The following LPIN2 variants were observed in gnomAD, a reference collection of about 807,000 sequenced individuals.
The protein encoded by LPIN2 is lipin 2.
LPIN2 carries 55 observed loss-of-function variants against 111.4 expected under a neutral mutation model. That is an observed-to-expected ratio of 0.49 (90% CI 0.40 to 0.62). The LOEUF (loss-of-function observed/expected upper bound fraction) is 0.62. Among genes scored for constraint, LPIN2 ranks in the 20% least tolerant of loss-of-function variants. The pLI, the probability that LPIN2 is intolerant of heterozygous loss-of-function variation, is 0.00. For missense variants in LPIN2, 992 were observed against 1,112.1 expected (o/e 0.89, Z 1.54); for synonymous variants, 425 against 414.0 (o/e 1.03, Z -0.32).
intron 1 of LPIN2, among the ~76,000 whole-genome samples, chr18:3,010,606 G>C (rs904138195): frequency 6.6e-6 from 1 of 152,096 alleles, no homozygotes; most frequent in African/African-American, 2.4e-5. Flanking sequence ...ACAGTCACTG[G>C]GGTCGGAGTA....
chr18:2,937,681 C>T lies in LPIN2; in HGVS notation c.1168+11G>A, dbSNP rs79439091. 4 of 1,604,582 alleles carry T rather than the reference C, an allele frequency of 2.5e-6. No homozygotes were observed. Among genetic ancestry groups the T allele is most frequent in the Non-Finnish European group, 3.4e-6 (4 of 1,174,440 alleles). On this transcript the variant is annotated intron_variant, in intron 7 of 19. Coordinates refer to ENST00000677752, the MANE Select transcript of LPIN2 (RefSeq NM_001375808.2). ...TGAGAGTACCTGGAGCCAAATTAAA[C>T]AAACGATTACCTTTCTTCTTTGACG...
At chr18:2,978,388 G>C (rs1424934398) in intron 1 of LPIN2, among the ~76,000 whole-genome samples, 2 of 152,084 alleles carry the variant, frequency 1.3e-5, no homozygotes, top group Non-Finnish European at 2.9e-5. Flanking sequence ...GGGACTCCTG[G>C]TATGACTCAC....
intron 15 of LPIN2, 118 bp downstream of exon 15, chr18:2,924,280 A>G (rs2077098925): frequency 3.0e-6 from 4 of 1,314,340 alleles, no homozygotes; most frequent in Non-Finnish European, 4.4e-6. Context: ...CATATGGCTT[A>G]TAAAATGCCT....
intron 2 of LPIN2, among the ~76,000 whole-genome samples, chr18:2,958,173 A>AAAAAAAAAC (rs2077650874): frequency 7.9e-6 from 1 of 126,254 alleles, no homozygotes; most frequent in African/African-American, 2.9e-5. Flanking sequence ...AAAAAAAAAA[A>AAAAAAAAAC]CAGAAAAAAG....
chr18:2,923,972 G>A (rs1350839407), intron 15 of LPIN2, 111 bp from the exon 16 acceptor site: 5 of 861,422 alleles, frequency 5.8e-6, no homozygotes, highest in Non-Finnish European at 9.7e-6. Context: ...GGACACTCTT[G>A]AAAGGGGATT....
At chr18:2,980,451 A>C (rs957466308) in intron 1 of LPIN2, among the ~76,000 whole-genome samples, 3 of 152,118 alleles carry the variant, frequency 2.0e-5, no homozygotes, top group Admixed American at 6.5e-5. Flanking sequence ...CCCACCACCA[A>C]CCTCAGCCCC....
intron 1 of LPIN2, among the ~76,000 whole-genome samples, chr18:2,986,692 C>T (rs116641919): frequency 0.014 from 2,092 of 152,256 alleles, 68 homozygotes; most frequent in African/African-American, 0.048. Context: ...ACAACCTCTG[C>T]GGTCTAACCC....
intron 1 of LPIN2, among the ~76,000 whole-genome samples, chr18:2,969,932 T>C (rs1323020445): frequency 1.3e-5 from 2 of 152,218 alleles, no homozygotes; most frequent in Admixed American, 1.3e-4. Flanking sequence ...CAAGGTCTGA[T>C]AAGTGTGGAT....
Position 2,957,664 on chromosome 18 carries a change from G to A in LPIN2, c.192+2985C>T, listed in dbSNP as rs1462150666. Among the ~76,000 whole-genome samples, 3 of 152,152 alleles carry A rather than the reference G, an allele frequency of 2.0e-5. No homozygotes were observed. In the East Asian group the frequency reaches 5.8e-4, roughly 29 times the overall value. On this transcript the variant is annotated intron_variant, in intron 2 of 19. Coordinates refer to ENST00000677752, the MANE Select transcript of LPIN2 (RefSeq NM_001375808.2). ...GCTCTCTCTCCACTGGGATTGATGA[G>A]TTAACAGATTGTGAGCCTGGAGGTA...
At chr18:2,931,519 G>A (rs1568526814) in intron 8 of LPIN2, 76 bp from the exon 9 acceptor site, 4 of 1,449,944 alleles carry the variant, frequency 2.8e-6, no homozygotes, top group Non-Finnish European at 3.7e-6. Context: ...TGGTTCTCTG[G>A]GGGCTCAAAC....
chr18:2,951,187 T>C lies in LPIN2; in HGVS notation c.458A>G (p.Lys153Arg). ...TTTCTTTCTCCTTCGTTTTTTCTTT[T>C]TCACAGAACTTGGAGTAAAAATTGT... The part of the protein sequence containing the change: ...TETIFTPSSV[K>R]KKKRRRKKYK... The change falls in exon 4 of 20, where the codon AAA (lysine) becomes AGA (arginine). Residue 153 changes from lysine to arginine, a missense_variant. By Grantham distance (26) the Lys-to-Arg change is conservative (BLOSUM62 2). This residue lies in a region of LPIN2 where 709 missense variants were observed against 753.2 expected (regional missense o/e 0.94). Coordinates refer to ENST00000677752, the MANE Select transcript of LPIN2 (RefSeq NM_001375808.2). 2 of 1,614,196 alleles carry C rather than the reference T, an allele frequency of 1.2e-6. No individual in the cohort carries two copies. The highest frequency in any genetic ancestry group is 1.7e-6 in the Non-Finnish European group (2 of 1,180,040).
chr18:2,919,639 C>T lies in LPIN2; in HGVS notation c.*654G>A, dbSNP rs990280198. On this transcript the variant is annotated 3_prime_UTR_variant, in exon 20 of 20. Transcript: ENST00000677752. ...AAATTAAGGGCTCGTGGAGTTGTCACAGATGAGAGGAGGATGCTCTGTGGG... is the reference window on the plus strand; with the variant it reads ...AAATTAAGGGCTCGTGGAGTTGTCATAGATGAGAGGAGGATGCTCTGTGGG... 6.4e-6 allele frequency: 1 copy of T among 155,930 alleles called. No individual in the cohort carries two copies. The highest frequency in any genetic ancestry group is 6.2e-5 in the Admixed American group (1 of 16,082). 9.7% of individuals were successfully genotyped at this position (155,930 alleles called of 1,614,324 possible).
rs759046454 is a variant in LPIN2, at chr18:2,937,976, T to C, written c.884A>G (p.Asn295Ser). The change falls in exon 7 of 20, where the codon AAT becomes AGT. Residue 295 changes from asparagine to serine, a missense_variant. Asn to Ser is a conservative substitution (Grantham distance 46). This residue lies in a region of LPIN2 where 709 missense variants were observed against 753.2 expected (regional missense o/e 0.94). Coordinates refer to ENST00000677752, the MANE Select transcript of LPIN2 (RefSeq NM_001375808.2). ...ACTGGGAATTACCCGAAAATGAGTA[T>C]TTTCTGATGGTGTAATTGTAGCTGT... ...PRTATITPSENTHFRVIPSED... is the reference protein window; with the variant it reads ...PRTATITPSESTHFRVIPSED... The C allele has an allele frequency of 3.1e-6, 5 of 1,614,030 alleles. No individual in the cohort carries two copies. Among genetic ancestry groups the C allele is most frequent in the African/African-American group, 2.7e-5 (2 of 74,906 alleles).
At chr18:2,982,982 GGA>G in intron 1 of LPIN2, 1 of 332,160 alleles carries the variant, frequency 3.0e-6, no homozygotes, top group South Asian at 2.4e-5. Flanking sequence ...TCTCCCCAAA[GGA>G]GATAAGCAGG....
In LPIN2 at chr18:2,931,842, C is replaced by T. The variant is rs149078127; in HGVS notation, c.1269-399G>A. On this transcript the variant is annotated intron_variant, in intron 8 of 19. Transcript: ENST00000677752. ...GCTGTTTGGAAACCTTTGATCCTAA[C>T]GTCCTAGAAAAAGCTGTGGCACTTT... Among the ~76,000 whole-genome samples the T allele has an allele frequency of 1.4e-4, 22 of 152,204 alleles. No homozygotes were observed. In the East Asian group the frequency reaches 4.1e-3, roughly 28 times the overall value.
At position 2,929,192 on chromosome 18, in the gene LPIN2, G is replaced by A; in HGVS notation, c.1457-34C>T. 4 of 1,291,194 alleles carry A rather than the reference G, an allele frequency of 3.1e-6. No individual in the cohort carries two copies. The East Asian group carries it at 9.2e-5, about 30-fold the overall frequency. The allele number at this position is 1,291,194 out of a possible 1,614,324, so 80.0% of individuals were successfully genotyped here. A position where few individuals can be genotyped will look rare whatever the true frequency, so the allele number is the denominator to read the frequency against. On this transcript the variant is annotated intron_variant, in intron 9 of 19. Transcript: ENST00000677752. ...TAAAATAATAATCAATTTGGTTAGA[G>A]ATTACATAAATCCCTATATGAGATT...
At chr18:2,922,308 T>A in intron 16 of LPIN2, 109 bp from the exon 17 acceptor site, 1 of 1,292,922 alleles carries the variant, frequency 7.7e-7, no homozygotes, top group Non-Finnish European at 1.1e-6. Context: ...TGAGTCTCAC[T>A]CTGTTACCCA....
chr18:2,964,803 C>T lies in LPIN2; in HGVS notation c.-9-3954G>A, dbSNP rs146605647. 2.8e-3 allele frequency among the ~76,000 whole-genome samples: 422 copies of T among 152,240 alleles called. 1 individual carries two copies. Among genetic ancestry groups the T allele is most frequent in the African/African-American group, 9.5e-3 (394 of 41,524 alleles). ...AAATGTCAGAGAACTATTATGTCCA[C>T]TAGAAATCACACTGAATATTACCAC... On this transcript the variant is annotated intron_variant, in intron 1 of 19. Transcript: ENST00000677752.
At chr18:3,006,571 C>T (rs867974413) in intron 1 of LPIN2, among the ~76,000 whole-genome samples, 2 of 152,242 alleles carry the variant, frequency 1.3e-5, no homozygotes, top group Middle Eastern at 3.4e-3. Context: ...GGCGCAGCGG[C>T]TCAAGCCTGT....
Sources: gnomAD v4.1 joint callset for allele counts (sites outside exome capture counted in the v4.1 genomes callset) on GRCh38, gnomAD v4.1.1 for gene constraint, gnomAD v4.1.1 regional missense constraint, MANE v1.5 for transcripts, NCBI Gene and HGNC (gene_info 2026-07-23, HGNC 2026-07-21) for gene names.